The following SETBP1 variants were observed in gnomAD, a reference collection of about 807,000 sequenced individuals.
The protein encoded by SETBP1 is SET-binding protein.
A neutral mutation model predicts 101.0 loss-of-function variants in SETBP1; 9 were observed. That is an observed-to-expected ratio of 0.09 (90% CI 0.05 to 0.16). SETBP1 has a LOEUF of 0.16. Ranked by LOEUF, SETBP1 falls within the 10% of genes least tolerant of loss-of-function variation. The probability of loss-of-function intolerance (pLI) is 1.00; values close to 1 mark genes in which losing one functional copy is unlikely to be tolerated. For synonymous variants in SETBP1, 818 were observed against 788.5 expected (o/e 1.04, Z -0.63); for missense variants, 1,858 against 2,033.8 (o/e 0.91, Z 1.66).
intron 1 of SETBP1, among the ~76,000 whole-genome samples, chr18:44,685,220 G>A (rs1224660150): frequency 6.6e-6 from 1 of 152,222 alleles, no homozygotes; most frequent in Non-Finnish European, 1.5e-5. Flanking sequence ...GGGATGAATG[G>A]TGAGCAGATA....
intron 4 of SETBP1, among the ~76,000 whole-genome samples, chr18:44,974,263 C>T (rs2071935646): frequency 6.6e-6 from 1 of 152,054 alleles, no homozygotes; most frequent in Admixed American, 6.6e-5. Flanking sequence ...CATGGCTCTA[C>T]CAGAAGAATA....
intron 3 of SETBP1, among the ~76,000 whole-genome samples, chr18:44,891,070 G>A (rs1422849830): frequency 6.6e-6 from 1 of 152,138 alleles, no homozygotes; most frequent in Admixed American, 6.5e-5. Flanking sequence ...TCACAATTAT[G>A]GCAGAAGGAG....
chr18:44,901,907 C>T (rs1385294819), intron 3 of SETBP1, among the ~76,000 whole-genome samples: 1 of 152,160 alleles, frequency 6.6e-6, no homozygotes, highest in African/African-American at 2.4e-5. Flanking sequence ...TATTTTAACA[C>T]ATCTTTTAAA....
intron 2 of SETBP1, among the ~76,000 whole-genome samples, chr18:44,856,798 T>A (rs749001169): frequency 3.3e-5 from 5 of 152,250 alleles, no homozygotes; most frequent in Non-Finnish European, 7.3e-5. Flanking sequence ...GCCACTGCTG[T>A]TAACATGCAC....
rs115399232 is a variant in SETBP1 at position 44,940,745 on chromosome 18, T to A, written c.541-9136T>A. ...TATTTCTGCTTTAAGAAGTCACTTG[T>A]CTTTTAACAATCTTAACAAGAATAG... On this transcript the variant is annotated intron_variant, in intron 3 of 5. Transcript: ENST00000649279. Among the ~76,000 whole-genome samples, 964 of 152,330 alleles carry A rather than the reference T, an allele frequency of 6.3e-3. 14 individuals are homozygous for A. The highest frequency in any genetic ancestry group is 0.022 in the African/African-American group (910 of 41,582).
intron 4 of SETBP1, among the ~76,000 whole-genome samples, chr18:45,031,454 C>T (rs1179704073): frequency 6.6e-6 from 1 of 152,132 alleles, no homozygotes; most frequent in Non-Finnish European, 1.5e-5. Flanking sequence ...GCATGGAAAG[C>T]TAATGCAACT....
chr18:44,911,276 G>A (rs910148937), intron 3 of SETBP1, among the ~76,000 whole-genome samples: 2 of 152,182 alleles, frequency 1.3e-5, no homozygotes, highest in Non-Finnish European at 2.9e-5. Flanking sequence ...CTGTCTTAGA[G>A]TATATAACTG....
At chr18:44,688,869 T>G (rs1039266543) in intron 1 of SETBP1, among the ~76,000 whole-genome samples, 1 of 152,186 alleles carries the variant, frequency 6.6e-6, no homozygotes, top group Admixed American at 6.5e-5. Flanking sequence ...TTACGACTGG[T>G]GTTTTGATCC....
At chr18:45,017,041 T>TA (rs1486720725) in intron 4 of SETBP1, among the ~76,000 whole-genome samples, 3 of 152,184 alleles carry the variant, frequency 2.0e-5, no homozygotes, top group African/African-American at 7.2e-5. Context: ...TCCTTTGTTT[T>TA]CTTGCAAATG....
At chr18:44,798,884 C>T (rs2071539482) in intron 2 of SETBP1, among the ~76,000 whole-genome samples, 1 of 152,118 alleles carries the variant, frequency 6.6e-6, no homozygotes, top group African/African-American at 2.4e-5. Flanking sequence ...TGTAACTTGC[C>T]CAAGGTCAGC....
rs1021389996 is a variant in SETBP1 at position 44,952,393 on chromosome 18, A to C, written c.3053A>C (p.Lys1018Thr). 6.2e-7 allele frequency: 1 copy of C among 1,614,050 alleles called. No individual in the cohort carries two copies. Among genetic ancestry groups the C allele is most frequent in the South Asian group, 1.1e-5 (1 of 91,088 alleles). The part of the protein sequence containing the change: ...RRTSDLKSKK[K>T]RGRPAKTNDT... ...ACTTCAGACTTGAAGTCAAAGAAGA[A>C]GCGTGGTAGGCCTGCAAAAACCAAT... Residue 1018 changes from lysine (K) to threonine (T), a missense_variant, in exon 4 of 6, where the codon AAG becomes ACG. By Grantham distance (78) the Lys-to-Thr change is moderately conservative (BLOSUM62 -1). This residue lies in a region of SETBP1 where 255 missense variants were observed against 300.1 expected (regional missense o/e 0.85). Coordinates refer to ENST00000649279, the MANE Select transcript of SETBP1 (RefSeq NM_015559.3).
At chr18:44,918,927 C>A (rs575102770) in intron 3 of SETBP1, among the ~76,000 whole-genome samples, 1 of 152,294 alleles carries the variant, frequency 6.6e-6, no homozygotes, top group African/African-American at 2.4e-5. Context: ...CAACTTCCAG[C>A]AGACTCTTCT....
intron 4 of SETBP1, among the ~76,000 whole-genome samples, chr18:44,989,360 A>G (rs1414830502): frequency 6.6e-6 from 1 of 152,204 alleles, no homozygotes; most frequent in Non-Finnish European, 1.5e-5. Context: ...GGAATAGCTA[A>G]AGAGAGATTT....
chr18:44,830,624 C>T (rs1301221051), intron 2 of SETBP1, among the ~76,000 whole-genome samples: 4 of 152,124 alleles, frequency 2.6e-5, no homozygotes, highest in Non-Finnish European at 5.9e-5. Flanking sequence ...GGGATTTGAT[C>T]AGATGGAAGC....
intron 3 of SETBP1, among the ~76,000 whole-genome samples, chr18:44,925,008 T>TG (rs1555701013): frequency 3.5e-5 from 1 of 28,546 alleles, no homozygotes; most frequent in Non-Finnish European, 9.8e-5. Context: ...CCTGTGTGAG[T>TG]TTTTTTTTTT....
intron 2 of SETBP1, among the ~76,000 whole-genome samples, chr18:44,829,556 G>A (rs2072312169): frequency 6.6e-6 from 1 of 152,166 alleles, no homozygotes; most frequent in Non-Finnish European, 1.5e-5. Context: ...GATCAGTTCT[G>A]TTTCGGCAAC....
intron 2 of SETBP1, among the ~76,000 whole-genome samples, chr18:44,762,785 A>G (rs1391734898): frequency 6.6e-6 from 1 of 152,240 alleles, no homozygotes; most frequent in Non-Finnish European, 1.5e-5. Context: ...CCATTTCTAA[A>G]GTGAATCTAA....
At chr18:44,908,793 G>T (rs1445105629) in intron 3 of SETBP1, among the ~76,000 whole-genome samples, 1 of 152,188 alleles carries the variant, frequency 6.6e-6, no homozygotes, top group Non-Finnish European at 1.5e-5. Flanking sequence ...TATTTAAAAA[G>T]ATTGGTAATT....
In SETBP1 at chr18:44,950,627, A is replaced by G. The variant is rs1568234349; in HGVS notation, c.1287A>G (p.Glu429=). ...GACAGTCCATTAAAGCGGTGGTGGA[A>G]AAGATCATGCCAGAGAAAGCCTTGG... ...KKRQSIKAVV[E]KIMPEKALAS... is the part of the protein sequence containing the mutation. The change falls in exon 4 of 6, where the codon GAA becomes GAG. Residue 429 remains glutamate (E), a synonymous_variant. Coordinates refer to ENST00000649279, the MANE Select transcript of SETBP1 (RefSeq NM_015559.3). The G allele has an allele frequency of 6.2e-7, 1 of 1,614,106 alleles. No homozygotes were observed. The highest frequency in any genetic ancestry group is 2.2e-5 in the East Asian group (1 of 44,866).
Sources: allele counts gnomAD v4.1 joint callset (sites outside exome capture counted in the v4.1 genomes callset), GRCh38; gene constraint gnomAD v4.1.1; regional missense constraint gnomAD v4.1.1; transcripts MANE v1.5; gene names NCBI Gene and HGNC (gene_info 2026-07-23, HGNC 2026-07-21).